The following MAN1A2 variants were observed in gnomAD, a reference collection of about 807,000 sequenced individuals.
MAN1A2 encodes the protein mannosyl-oligosaccharide 1,2-alpha-mannosidase IB.
A neutral mutation model predicts 75.7 loss-of-function variants in MAN1A2; 26 were observed. The observed-to-expected ratio is 0.34, with a 90% CI of 0.25 to 0.48. The LOEUF is 0.48. Among genes scored for constraint, MAN1A2 ranks in the 20% least tolerant of loss-of-function variants. The probability of loss-of-function intolerance (pLI) is 0.99; values close to 1 mark genes in which losing one functional copy is unlikely to be tolerated. For missense variants in MAN1A2, 562 were observed against 775.5 expected (o/e 0.72, Z 3.27); for synonymous variants, 247 against 264.6 (o/e 0.93, Z 0.65).
rs1289938 is a variant in MAN1A2, at chr1:117,401,719, G to C, written c.303-467G>C. The stretch of plus-strand genomic sequence containing the variant: ...CATCTGTTGGGAATGTTACATTATA[G>C]TATCTATGCACTTTTGAAAACTTAA... On this transcript the variant is annotated intron_variant, in intron 1 of 12. Transcript: ENST00000356554. Among the ~76,000 whole-genome samples, 85 of 152,148 alleles carry C rather than the reference G, an allele frequency of 5.6e-4. 1 individual carries two copies. Among genetic ancestry groups the C allele is most frequent in the African/African-American group, 2.0e-3 (85 of 41,550 alleles).
chr1:117,370,498 T>C (rs1052360023), intron 1 of MAN1A2, among the ~76,000 whole-genome samples: 8 of 152,168 alleles, frequency 5.3e-5, no homozygotes, highest in African/African-American at 1.2e-4. Flanking sequence ...TTGTTTACTA[T>C]ATCAGAAAAG....
chr1:117,373,329 A>T lies in MAN1A2; in HGVS notation c.302+4844A>T, dbSNP rs191078336. Among the ~76,000 whole-genome samples, 7 of 152,034 alleles carry T rather than the reference A, an allele frequency of 4.6e-5. No individual in the cohort carries two copies. The East Asian group carries it at 1.4e-3, about 29-fold the overall frequency. ...TGGGCGACGTCACATTGTTTTATGCACTAATATTAAAGTCTGCTGGATGTT... is the reference window on the plus strand; with the variant it reads ...TGGGCGACGTCACATTGTTTTATGCTCTAATATTAAAGTCTGCTGGATGTT... On this transcript the variant is annotated intron_variant, in intron 1 of 12. Transcript: ENST00000356554.
intron 8 of MAN1A2, among the ~76,000 whole-genome samples, chr1:117,488,476 G>A (rs928861587): frequency 5.9e-5 from 9 of 152,120 alleles, no homozygotes; most frequent in South Asian, 2.1e-4. Context: ...GATTGCAGGC[G>A]TGAGCCACCA....
intron 12 of MAN1A2, among the ~76,000 whole-genome samples, chr1:117,505,213 T>C (rs1177087052): frequency 6.6e-6 from 1 of 151,470 alleles, no homozygotes; most frequent in Non-Finnish European, 1.5e-5. Flanking sequence ...TTAATGCCTC[T>C]CTCTCATTTC....
At chr1:117,424,739 T>C (rs972230718) in intron 5 of MAN1A2, among the ~76,000 whole-genome samples, 3 of 152,188 alleles carry the variant, frequency 2.0e-5, no homozygotes, top group African/African-American at 7.2e-5. Flanking sequence ...AGGTCTGGGC[T>C]CTTCCTCTCA....
chr1:117,503,083 C>A (rs1651251277), intron 12 of MAN1A2, 113 bp downstream of exon 12: 1 of 554,004 alleles, frequency 1.8e-6, no homozygotes, highest in Non-Finnish European at 3.1e-6. Flanking sequence ...TTGTAAATAT[C>A]TTTTTATGTA....
chr1:117,440,321 G>T (rs1648987542), intron 5 of MAN1A2, among the ~76,000 whole-genome samples: 2 of 152,162 alleles, frequency 1.3e-5, no homozygotes, highest in African/African-American at 4.8e-5. Flanking sequence ...AAAATACAAA[G>T]AAGCTAACAG....
intron 2 of MAN1A2, among the ~76,000 whole-genome samples, chr1:117,403,593 T>C (rs1262809647): frequency 1.3e-5 from 2 of 152,226 alleles, no homozygotes; most frequent in Admixed American, 6.5e-5. Flanking sequence ...GAACTCAGCA[T>C]ATAGAAACAT....
chr1:117,394,432 T>A (rs12065396), intron 1 of MAN1A2, among the ~76,000 whole-genome samples: 30,505 of 152,124 alleles, frequency 0.2, 3,233 homozygotes, highest in Middle Eastern at 0.24. Flanking sequence ...ACAATCAAAT[T>A]GAAGCCGTGA....
chr1:117,522,807 TC>T lies in MAN1A2; in HGVS notation c.1794-14del. The T allele has an allele frequency of 6.2e-7, 1 of 1,607,730 alleles. No individual in the cohort carries two copies. Among genetic ancestry groups the T allele is most frequent in the Non-Finnish European group, 8.5e-7 (1 of 1,176,562 alleles). The stretch of plus-strand genomic sequence containing the variant: ...TTGAATTCTAACTGAAGCTCATTTC[TC>T]CCCTTTTTATTTTCAGATATTTGTA... On this transcript the variant is annotated splice_polypyrimidine_tract_variant and intron_variant, in intron 12 of 12. Transcript: ENST00000356554.
At chr1:117,471,142 A>G (rs914145081) in intron 8 of MAN1A2, among the ~76,000 whole-genome samples, 8 of 151,788 alleles carry the variant, frequency 5.3e-5, no homozygotes, top group Non-Finnish European at 1.2e-4. Flanking sequence ...TCATTGTTTT[A>G]TATTACTAAA....
intron 7 of MAN1A2, among the ~76,000 whole-genome samples, chr1:117,461,660 C>G (rs1649826684): frequency 6.6e-6 from 1 of 151,814 alleles, no homozygotes; most frequent in Admixed American, 6.6e-5. Flanking sequence ...ATGTATAACT[C>G]TTTATATCCA....
chr1:117,438,004 A>T (rs966780055), intron 5 of MAN1A2, among the ~76,000 whole-genome samples: 1 of 152,206 alleles, frequency 6.6e-6, no homozygotes, highest in East Asian at 1.9e-4. Flanking sequence ...TTGTACCCCT[A>T]TGGCTTATGG....
intron 1 of MAN1A2, among the ~76,000 whole-genome samples, chr1:117,386,402 G>A (rs1653525156): frequency 6.6e-6 from 1 of 152,062 alleles, no homozygotes. Flanking sequence ...GGGGATGAGG[G>A]CACTATTGCA....
chr1:117,419,473 G>A (rs948257120), intron 4 of MAN1A2, among the ~76,000 whole-genome samples: 6 of 151,920 alleles, frequency 3.9e-5, no homozygotes, highest in Non-Finnish European at 7.4e-5. Context: ...ATGGTGGGAT[G>A]GAATGATGAT....
chr1:117,472,355 T>C (rs746269066), intron 8 of MAN1A2, among the ~76,000 whole-genome samples: 11 of 151,990 alleles, frequency 7.2e-5, no homozygotes, highest in Non-Finnish European at 1.3e-4. Flanking sequence ...ATTAAAAGAT[T>C]AATATCAATT....
intron 8 of MAN1A2, among the ~76,000 whole-genome samples, chr1:117,476,609 T>C (rs1315602456): frequency 6.6e-6 from 1 of 152,108 alleles, no homozygotes; most frequent in Non-Finnish European, 1.5e-5. Context: ...ATTTATTAAA[T>C]GGGGAATCCT....
At chr1:117,480,962 C>G (rs1002927859) in intron 8 of MAN1A2, among the ~76,000 whole-genome samples, 1 of 151,938 alleles carries the variant, frequency 6.6e-6, no homozygotes, top group East Asian at 1.9e-4. Flanking sequence ...TTCCCTCAAC[C>G]CCACCCAGAT....
chr1:117,402,816 A>G (rs1290847446), intron 2 of MAN1A2, among the ~76,000 whole-genome samples: 1 of 152,112 alleles, frequency 6.6e-6, no homozygotes, highest in African/African-American at 2.4e-5. Context: ...AGATCACCTC[A>G]TAAACATGCT....
Sources: allele counts gnomAD v4.1 joint callset (sites outside exome capture counted in the v4.1 genomes callset), GRCh38; gene constraint gnomAD v4.1.1; transcripts MANE v1.5; gene names NCBI Gene and HGNC (gene_info 2026-07-23, HGNC 2026-07-21).